The following DNAH10 variants were observed in gnomAD, a reference collection of about 807,000 sequenced individuals.
DNAH10 encodes dynein axonemal heavy chain 10.
Under a neutral mutation model 506.6 loss-of-function variants are expected in DNAH10, and 348 were observed. The observed-to-expected ratio is 0.69, with a 90% CI of 0.63 to 0.75. The LOEUF (loss-of-function observed/expected upper bound fraction) is 0.75. Ranked by LOEUF, DNAH10 falls within the 30% of genes least tolerant of loss-of-function variation. The probability of loss-of-function intolerance (pLI) is 0.00; values close to 1 mark genes in which losing one functional copy is unlikely to be tolerated. For synonymous variants in DNAH10, 2,059 were observed against 2,198.6 expected (o/e 0.94, Z 1.78); for missense variants, 5,179 against 5,787.1 (o/e 0.89, Z 3.41).
intron 50 of DNAH10, among the ~76,000 whole-genome samples, chr12:123,881,008 C>T (rs962931200): frequency 6.6e-6 from 1 of 152,042 alleles, no homozygotes; most frequent in African/African-American, 2.4e-5. Flanking sequence ...GCATAGTATT[C>T]CATGGTGTAT....
At chr12:123,896,195 A>AGAGAGAGAGAGAGAGAG (rs1953236264) in intron 54 of DNAH10, among the ~76,000 whole-genome samples, 1 of 144,008 alleles carries the variant, frequency 6.9e-6, no homozygotes, top group Admixed American at 7.0e-5. Flanking sequence ...AGAGAGAGAG[A>AGAGAGAGAGAGAGAGAG]ATATATTCCC....
intron 5 of DNAH10, among the ~76,000 whole-genome samples, chr12:123,777,834 T>C (rs1023181524): frequency 1.5e-5 from 1 of 65,126 alleles, no homozygotes; most frequent in African/African-American, 8.4e-5. Flanking sequence ...ATGATTTTTG[T>C]ATTTTTTTTT....
chr12:123,856,670 A>G (rs1315559817), intron 36 of DNAH10, among the ~76,000 whole-genome samples: 1 of 149,110 alleles, frequency 6.7e-6, no homozygotes, highest in Non-Finnish European at 1.5e-5. Flanking sequence ...TACATATTAT[A>G]TGAAATATAT....
rs755307086 is a variant in DNAH10 at position 123,867,992 on chromosome 12, G to C, written c.7392G>C (p.Leu2464Phe). 6.8e-6 allele frequency: 11 copies of C among 1,613,790 alleles called. No individual in the cohort carries two copies. Among genetic ancestry groups the C allele is most frequent in the African/African-American group, 1.3e-5 (1 of 74,888 alleles). Reference sequence around the variant, plus strand: ...TGGAGTGCTACTTCCTGGAGGCTTTGTACTGCTCTCTGGGAGCCTCCCTGC... The same window carrying C: ...TGGAGTGCTACTTCCTGGAGGCTTTCTACTGCTCTCTGGGAGCCTCCCTGC... The part of the protein sequence containing the change: ...DLLECYFLEA[L>F]YCSLGASLLE... The change falls in exon 43 of 79, where the codon TTG (leucine) becomes TTC (phenylalanine). Residue 2464 changes from leucine to phenylalanine, a missense_variant. Leu to Phe is a conservative substitution (Grantham distance 22). This residue lies in a region of DNAH10 where 4,844 missense variants were observed against 5,430.5 expected (regional missense o/e 0.89). Coordinates refer to ENST00000673944, the MANE Select transcript of DNAH10 (RefSeq NM_001372106.1).
intron 51 of DNAH10, 160 bp downstream of exon 51, chr12:123,881,973 G>A (rs1055604852): frequency 6.2e-6 from 4 of 648,444 alleles, no homozygotes; most frequent in Admixed American, 4.3e-5. Context: ...CTTGTTTTTG[G>A]CTTGATATTA....
Position 123,905,993 on chromosome 12 carries a change from C to T in DNAH10, c.9815+2880C>T, listed in dbSNP as rs897306186. Among the ~76,000 whole-genome samples, 5 of 151,888 alleles carry T rather than the reference C, an allele frequency of 3.3e-5. No homozygotes were observed. In the South Asian group the frequency reaches 6.2e-4, roughly 19 times the overall value. ...AGTGCAGTGGCACGATCTCGGCTCA[C>T]TGCAACCTCCGCCTCCCGGGTTCAC... On this transcript the variant is annotated intron_variant, in intron 57 of 78. Coordinates refer to ENST00000673944, the MANE Select transcript of DNAH10 (RefSeq NM_001372106.1).
chr12:123,834,704 A>AC (rs1960949443), intron 27 of DNAH10, among the ~76,000 whole-genome samples: 2 of 152,114 alleles, frequency 1.3e-5, no homozygotes, highest in African/African-American at 4.8e-5. Flanking sequence ...GCACCTGGCA[A>AC]CCTCCAGTCT....
At chr12:123,800,176 G>A in intron 14 of DNAH10, 40 bp from the exon 15 acceptor site, 2 of 1,596,936 alleles carry the variant, frequency 1.3e-6, no homozygotes. Flanking sequence ...ACTGTCTCTT[G>A]GACTGCCCTG....
chr12:123,815,663 A>G (rs1420591123), intron 21 of DNAH10, among the ~76,000 whole-genome samples: 3 of 152,206 alleles, frequency 2.0e-5, no homozygotes, highest in Admixed American at 6.5e-5. Flanking sequence ...ATTAACTCCA[A>G]TACAATAAGA....
rs1954029364 is a variant in DNAH10, at chr12:123,910,758, A to C, written c.10134+86A>C. The C allele has an allele frequency of 2.0e-6, 3 of 1,500,628 alleles. No individual in the cohort carries two copies. The African/African-American group carries it at 4.3e-5, about 22-fold the overall frequency. 93.0% of individuals were successfully genotyped at this position (1,500,628 alleles called of 1,614,324 possible). ...CACATGTACATACCTTTGCTGAAAA[A>C]CTTCTCCCGAGGTTCTGACTTCAAG... On this transcript the variant is annotated intron_variant, in intron 59 of 78. Transcript: ENST00000673944.
At chr12:123,899,134 C>T (rs909105967) in intron 56 of DNAH10, among the ~76,000 whole-genome samples, 7 of 152,118 alleles carry the variant, frequency 4.6e-5, no homozygotes, top group African/African-American at 7.2e-5. Flanking sequence ...GAACTAAGTC[C>T]GTGGGGTTGA....
At chr12:123,777,170 C>G (rs139722377) in intron 5 of DNAH10, among the ~76,000 whole-genome samples, 312 of 152,304 alleles carry the variant, frequency 2.0e-3, no homozygotes, top group Middle Eastern at 3.4e-3. Context: ...GCTGCCTTCT[C>G]CACATGCCAA....
intron 24 of DNAH10, among the ~76,000 whole-genome samples, chr12:123,823,500 G>T (rs1959640113): frequency 1.3e-5 from 2 of 152,200 alleles, no homozygotes; most frequent in Non-Finnish European, 2.9e-5. Flanking sequence ...ATGAGACCTG[G>T]TGCCTGCACC....
chr12:123,838,792 CTG>C, intron 29 of DNAH10, 103 bp downstream of exon 29: 1 of 1,059,348 alleles, frequency 9.4e-7, no homozygotes, highest in Non-Finnish European at 1.4e-6. Flanking sequence ...AGGGTTAAGA[CTG>C]AAATGCTGCT....
chr12:123,833,442 A>G (rs1960792557), intron 27 of DNAH10, 95 bp downstream of exon 27: 1 of 948,608 alleles, frequency 1.1e-6, no homozygotes, highest in Admixed American at 2.6e-5. Context: ...TTATATGAGG[A>G]TATTTTGTGC....
chr12:123,781,757 T>C (rs1957660989), intron 6 of DNAH10, among the ~76,000 whole-genome samples: 1 of 152,186 alleles, frequency 6.6e-6, no homozygotes, highest in Non-Finnish European at 1.5e-5. Flanking sequence ...TGAGCCACTG[T>C]GCCCAGCCTA....
Position 123,860,951 on chromosome 12 carries a change from A to G in DNAH10, c.6750-61A>G, listed in dbSNP as rs146896658. 53 of 1,610,620 alleles carry G rather than the reference A, an allele frequency of 3.3e-5. No homozygotes were observed. The East Asian group carries it at 1.1e-3, about 33-fold the overall frequency. Reference sequence around the variant, plus strand: ...ATCTAATTCCTCATAGAGGGAACCCAGACTGTTTTCCTCATGCATTTAGTT... The same window carrying G: ...ATCTAATTCCTCATAGAGGGAACCCGGACTGTTTTCCTCATGCATTTAGTT... On this transcript the variant is annotated intron_variant, in intron 38 of 78. Transcript: ENST00000673944.
chr12:123,931,535 C>G, intron 74 of DNAH10, 63 bp downstream of exon 74: 1 of 1,605,964 alleles, frequency 6.2e-7, no homozygotes, highest in Non-Finnish European at 8.5e-7. Flanking sequence ...TTCTTGTAGC[C>G]CTCCCACGTT....
At position 123,879,749 on chromosome 12, in the gene DNAH10, C is replaced by T. The variant is rs755673190; in HGVS notation, c.8582C>T (p.Pro2861Leu). 78 of 1,613,994 alleles carry T rather than the reference C, an allele frequency of 4.8e-5. 1 individual carries two copies. The highest frequency in any genetic ancestry group is 3.3e-4 in the Middle Eastern group (2 of 6,062). ...CAGATGGCTCTGCACGAAGGAGAAC[C>T]ACGCATTTATGAAGACATCCAGGAC... Reference protein sequence around the residue: ...DFQMALHEGEPRIYEDIQDYE... With the variant: ...DFQMALHEGELRIYEDIQDYE... Residue 2861 changes from proline (P) to leucine (L), a missense_variant, in exon 50 of 79, where the codon CCA (proline) becomes CTA (leucine). Around this residue, in one of 3 missense-constraint regions of DNAH10, gnomAD observed 4,844 missense variants for 5,430.5 expected, o/e 0.89. Coordinates refer to ENST00000673944, the MANE Select transcript of DNAH10 (RefSeq NM_001372106.1).
Sources: allele counts gnomAD v4.1 joint callset (sites outside exome capture counted in the v4.1 genomes callset), GRCh38; gene constraint gnomAD v4.1.1; regional missense constraint gnomAD v4.1.1; transcripts MANE v1.5; gene names NCBI Gene and HGNC (gene_info 2026-07-23, HGNC 2026-07-21).